LRRC4C: variants seen among roughly 807,000 people sequenced by gnomAD.
LRRC4C encodes the protein leucine-rich repeat-containing protein 4C.
A neutral mutation model predicts 33.6 loss-of-function variants in LRRC4C; 5 were observed. That is an observed-to-expected ratio of 0.15 (90% CI 0.08 to 0.31). LRRC4C has a LOEUF of 0.31. LRRC4C is among the 10% of genes least tolerant of loss of function. LRRC4C has a pLI of 1.00. For missense variants in LRRC4C, 560 were observed against 796.7 expected (o/e 0.70, Z 3.58); for synonymous variants, 329 against 302.0 (o/e 1.09, Z -0.93).
chr11:40,882,321 A>G (rs1201142803), intron 2 of LRRC4C, among the ~76,000 whole-genome samples: 1 of 152,168 alleles, frequency 6.6e-6, no homozygotes, highest in African/African-American at 2.4e-5. Context: ...GACACTCTTG[A>G]GAATAAAAAA....
At chr11:40,983,280 G>A (rs764962793) in intron 1 of LRRC4C, among the ~76,000 whole-genome samples, 18 of 152,090 alleles carry the variant, frequency 1.2e-4, no homozygotes, top group Admixed American at 8.5e-4. Context: ...ATTTACGCAC[G>A]ACACAAACCA....
intron 2 of LRRC4C, among the ~76,000 whole-genome samples, chr11:40,678,467 C>A (rs1251731531): frequency 6.6e-6 from 1 of 152,090 alleles, no homozygotes; most frequent in African/African-American, 2.4e-5. Context: ...ATTACGTATT[C>A]TATATTATTT....
chr11:40,446,736 T>C (rs2138028730), intron 3 of LRRC4C: 1 of 152,290 alleles, frequency 6.6e-6, no homozygotes, highest in Admixed American at 6.5e-5. Context: ...GGTTCCTTCC[T>C]TACAAGCAGG....
At chr11:40,256,181 G>A (rs1867188867) in intron 4 of LRRC4C, among the ~76,000 whole-genome samples, 1 of 152,132 alleles carries the variant, frequency 6.6e-6, no homozygotes, top group Admixed American at 6.6e-5. Context: ...AGAGAATGAG[G>A]GTAAATATTT....
intron 3 of LRRC4C, among the ~76,000 whole-genome samples, chr11:40,559,181 CTTTT>C (rs71060968): frequency 1.6e-5 from 2 of 124,642 alleles, no homozygotes; most frequent in Non-Finnish European, 3.4e-5. Flanking sequence ...TTGCATGCGT[CTTTT>C]TTTTTTTTTT....
At chr11:40,965,855 CT>C (rs1445826118) in intron 1 of LRRC4C, among the ~76,000 whole-genome samples, 1 of 151,842 alleles carries the variant, frequency 6.6e-6, no homozygotes, top group Non-Finnish European at 1.5e-5. Flanking sequence ...GATGCGGGCT[CT>C]TTTTTGGTTC....
chr11:41,040,137 C>CAA (rs5791415), intron 1 of LRRC4C, among the ~76,000 whole-genome samples: 247 of 96,278 alleles, frequency 2.6e-3, no homozygotes, highest in African/African-American at 6.5e-3. Flanking sequence ...GACTCTGTCT[C>CAA]AAAAAAAAAA....
chr11:40,351,113 C>A (rs1011744483), intron 3 of LRRC4C, among the ~76,000 whole-genome samples: 4 of 151,930 alleles, frequency 2.6e-5, no homozygotes, highest in African/African-American at 9.7e-5. Context: ...ACTTCCAGTA[C>A]TATTTTCAAT....
intron 1 of LRRC4C, among the ~76,000 whole-genome samples, chr11:41,141,067 T>G (rs1017254582): frequency 5.3e-5 from 8 of 152,210 alleles, no homozygotes; most frequent in Non-Finnish European, 7.3e-5. Context: ...AGTAGTGTCA[T>G]GATTGAATCA....
At chr11:40,524,485 CTAAA>C (rs1357134732) in intron 3 of LRRC4C, among the ~76,000 whole-genome samples, 5 of 151,964 alleles carry the variant, frequency 3.3e-5, no homozygotes, top group Admixed American at 1.3e-4. Context: ...TATAAAATTG[CTAAA>C]TAATTGTTAT....
intron 1 of LRRC4C, among the ~76,000 whole-genome samples, chr11:41,225,648 T>C (rs1404531783): frequency 1.3e-5 from 2 of 150,940 alleles, no homozygotes; most frequent in African/African-American, 5.0e-5. Flanking sequence ...TATTTATATA[T>C]ATTTTTTTGT....
intron 3 of LRRC4C, among the ~76,000 whole-genome samples, chr11:40,372,100 A>T (rs1180436409): frequency 6.6e-6 from 1 of 152,200 alleles, no homozygotes; most frequent in Non-Finnish European, 1.5e-5. Context: ...ACCAGCCTGG[A>T]CTAAGTAAAA....
chr11:40,989,620 C>A (rs1004694466), intron 1 of LRRC4C, among the ~76,000 whole-genome samples: 3 of 152,048 alleles, frequency 2.0e-5, no homozygotes, highest in African/African-American at 7.2e-5. Context: ...GTTGATCTCA[C>A]AATAAGGCTT....
chr11:40,415,533 A>G (rs538643760), intron 3 of LRRC4C, among the ~76,000 whole-genome samples: 11 of 152,272 alleles, frequency 7.2e-5, no homozygotes, highest in South Asian at 2.1e-4. Flanking sequence ...AGTATGTTAC[A>G]CAATGACTGG....
intron 1 of LRRC4C, among the ~76,000 whole-genome samples, chr11:41,104,192 C>T (rs954347748): frequency 6.6e-6 from 1 of 151,806 alleles, no homozygotes; most frequent in Admixed American, 6.6e-5. Flanking sequence ...AAAATATATA[C>T]AAACTTATAT....
chr11:40,589,226 A>G (rs1185177146), intron 3 of LRRC4C, among the ~76,000 whole-genome samples: 1 of 152,064 alleles, frequency 6.6e-6, no homozygotes, highest in Non-Finnish European at 1.5e-5. Flanking sequence ...CTTTACCATT[A>G]TGTAATGGTC....
At chr11:40,904,051 T>C (rs1159304204) in intron 2 of LRRC4C, among the ~76,000 whole-genome samples, 3 of 152,186 alleles carry the variant, frequency 2.0e-5, no homozygotes, top group African/African-American at 7.2e-5. Context: ...AAGATTGGAC[T>C]GAATTGCTGC....
rs935709833 is a variant in LRRC4C, at chr11:40,948,407, T to C, written c.-495-14684A>G. ...TATACTTTAAGTTTTAGTGTACATG[T>C]GCACAATGTGCAGGTTAGTTACATA... On this transcript the variant is annotated intron_variant, in intron 1 of 6. Transcript: ENST00000528697. Among the ~76,000 whole-genome samples the C allele has an allele frequency of 1.1e-4, 17 of 152,116 alleles. 1 individual carries two copies. In the South Asian group the frequency reaches 2.9e-3, roughly 26 times the overall value.
chr11:40,399,328 A>G (rs1457308431), intron 3 of LRRC4C, among the ~76,000 whole-genome samples: 1 of 152,162 alleles, frequency 6.6e-6, no homozygotes, highest in Non-Finnish European at 1.5e-5. Context: ...TGTGGCACAT[A>G]TACACCATGG....
Sources: allele counts gnomAD v4.1 joint callset (sites outside exome capture counted in the v4.1 genomes callset), GRCh38; gene constraint gnomAD v4.1.1; transcripts MANE v1.5; gene names NCBI Gene and HGNC (gene_info 2026-07-23, HGNC 2026-07-21).